The following AOAH variants were observed in gnomAD, a reference collection of about 807,000 sequenced individuals.
AOAH encodes acyloxyacyl hydrolase (neutrophil).
AOAH carries 64 observed loss-of-function variants against 92.2 expected under a neutral mutation model. The ratio of observed to expected loss-of-function variants is 0.69; its 90% CI spans 0.57 to 0.86. The LOEUF is 0.86. Among genes scored for constraint, AOAH ranks in the 40% least tolerant of loss-of-function variants. The probability of loss-of-function intolerance (pLI) is 0.00; values close to 1 mark genes in which losing one functional copy is unlikely to be tolerated. For missense variants in AOAH, 656 were observed against 694.6 expected, an observed-to-expected ratio of 0.94 and a Z score of 0.62; for synonymous variants, 263 against 254.5, an observed-to-expected ratio of 1.03 and a Z score of -0.32.
intron 20 of AOAH, among the ~76,000 whole-genome samples, chr7:36,515,505 A>T (rs1783592033): frequency 1.7e-4 from 1 of 5,998 alleles, no homozygotes; most frequent in Admixed American, 2.9e-3. Context: ...CATCACAAAC[A>T]CACCCCCAAA....
intron 3 of AOAH, among the ~76,000 whole-genome samples, chr7:36,664,692 T>G (rs1014607467): frequency 1.3e-5 from 2 of 152,142 alleles, no homozygotes; most frequent in Non-Finnish European, 2.9e-5. Flanking sequence ...TGAATCTACA[T>G]GTGTTAGGCT....
chr7:36,674,070 A>G (rs2116660595), intron 2 of AOAH, 61 bp from the exon 3 acceptor site: 1 of 904,532 alleles, frequency 1.1e-6, no homozygotes, highest in Non-Finnish European at 1.8e-6. Flanking sequence ...AACACACCTT[A>G]ATAATGATTA....
intron 12 of AOAH, among the ~76,000 whole-genome samples, chr7:36,593,688 C>T (rs1181336055): frequency 1.3e-5 from 2 of 152,156 alleles, no homozygotes; most frequent in Admixed American, 1.3e-4. Flanking sequence ...TGACATTCTC[C>T]CATCCAAGTA....
Position 36,610,159 on chromosome 7 carries a change from CA to C in AOAH, c.846+6220del, listed in dbSNP as rs71553082. Among the ~76,000 whole-genome samples, 279 of 49,258 alleles carry C rather than the reference CA, an allele frequency of 5.7e-3. 1 individual carries two copies. The highest frequency in any genetic ancestry group is 0.026 in the Middle Eastern group (1 of 38). The allele number at this position is 49,258 out of a possible 152,430, so 32.3% of individuals were successfully genotyped here. A position where few individuals can be genotyped will look rare whatever the true frequency, so the allele number is the denominator to read the frequency against. ...TTTTAAGGAGAATGCTCCATAATAG[CA>C]AAAAAAAAAAAAAAAAAAAAGAATC... On this transcript the variant is annotated intron_variant, in intron 11 of 20. Coordinates refer to ENST00000617537, the MANE Select transcript of AOAH (RefSeq NM_001637.4).
At chr7:36,618,186 A>G in intron 10 of AOAH, 111 bp downstream of exon 10, 1 of 872,904 alleles carries the variant, frequency 1.1e-6, no homozygotes, top group Non-Finnish European at 1.9e-6. Flanking sequence ...AGCATAGAGT[A>G]AATCCTAGCA....
chr7:36,678,629 T>C (rs531385731), intron 2 of AOAH, among the ~76,000 whole-genome samples: 19 of 140,186 alleles, frequency 1.4e-4, no homozygotes, highest in Non-Finnish European at 2.7e-4. Flanking sequence ...GAATTCTGTT[T>C]AGCTCAAGTC....
chr7:36,590,632 C>T (rs535655766), intron 12 of AOAH, among the ~76,000 whole-genome samples: 8 of 152,190 alleles, frequency 5.3e-5, no homozygotes, highest in Non-Finnish European at 1.2e-4. Context: ...GCACATTTTC[C>T]AAAGGACGCT....
At chr7:36,515,694 T>C (rs1388221085) in intron 20 of AOAH, among the ~76,000 whole-genome samples, 15 of 40,110 alleles carry the variant, frequency 3.7e-4, no homozygotes, top group East Asian at 3.4e-3. Flanking sequence ...CACACACACA[T>C]AATCACACAC....
chr7:36,578,515 C>A (rs1410384418), intron 12 of AOAH, among the ~76,000 whole-genome samples: 1 of 152,088 alleles, frequency 6.6e-6, no homozygotes, highest in African/African-American at 2.4e-5. Flanking sequence ...TAAATAGCAA[C>A]CCCACACCTC....
intron 11 of AOAH, among the ~76,000 whole-genome samples, chr7:36,595,797 G>C (rs1790064002): frequency 6.6e-6 from 1 of 152,204 alleles, no homozygotes; most frequent in Non-Finnish European, 1.5e-5. Context: ...TCCATGAGTG[G>C]CTGCAAGAAG....
At chr7:36,676,026 T>C (rs1413278807) in intron 2 of AOAH, among the ~76,000 whole-genome samples, 1 of 152,154 alleles carries the variant, frequency 6.6e-6, no homozygotes, top group African/African-American at 2.4e-5. Context: ...TATTTAGTGG[T>C]GAAAAATTAA....
At chr7:36,649,782 G>A (rs563386938) in intron 4 of AOAH, among the ~76,000 whole-genome samples, 152 of 152,276 alleles carry the variant, frequency 1.0e-3, no homozygotes, top group African/African-American at 3.0e-3. Flanking sequence ...GTTTGCCGCC[G>A]TGGCAGACCT....
chr7:36,512,957 C>T lies in AOAH; in HGVS notation c.*295G>A, dbSNP rs1407810560. The stretch of plus-strand genomic sequence containing the variant: ...TGGACTTAAGTGTTTTTAGAAACTC[C>T]TTTTAGAACAATTAGCTGTAAAGGG... On this transcript the variant is annotated 3_prime_UTR_variant, in exon 21 of 21. Coordinates refer to ENST00000617537, the MANE Select transcript of AOAH (RefSeq NM_001637.4). 7.8e-7 allele frequency: 1 copy of T among 1,274,460 alleles called. No homozygotes were observed. Among genetic ancestry groups the T allele is most frequent in the Non-Finnish European group, 1.1e-6 (1 of 935,602 alleles). 78.9% of individuals were successfully genotyped at this position (1,274,460 alleles called of 1,614,324 possible). A position where few individuals can be genotyped will look rare whatever the true frequency, so the allele number is the denominator to read the frequency against.
chr7:36,627,354 A>G (rs1002735577), intron 6 of AOAH, among the ~76,000 whole-genome samples: 3 of 151,772 alleles, frequency 2.0e-5, no homozygotes, highest in Admixed American at 6.6e-5. Context: ...CGTAGTGGGA[A>G]GGAAAAGCCA....
intron 4 of AOAH, among the ~76,000 whole-genome samples, chr7:36,658,451 C>T (rs1584049433): frequency 6.6e-6 from 1 of 152,122 alleles, no homozygotes; most frequent in Non-Finnish European, 1.5e-5. Context: ...TCAATATTAT[C>T]CTCTCATCCA....
chr7:36,517,977 A>G (rs1357708223), intron 20 of AOAH, among the ~76,000 whole-genome samples: 1 of 149,164 alleles, frequency 6.7e-6, no homozygotes, highest in Non-Finnish European at 1.5e-5. Context: ...ACACGCACAC[A>G]CACACACTGG....
At chr7:36,630,788 C>T (rs1562639557) in intron 6 of AOAH, among the ~76,000 whole-genome samples, 1 of 152,112 alleles carries the variant, frequency 6.6e-6, no homozygotes, top group Non-Finnish European at 1.5e-5. Context: ...AGCAGCATTG[C>T]AAAGAAGTCA....
At chr7:36,644,691 A>G (rs79861443) in intron 4 of AOAH, among the ~76,000 whole-genome samples, 18,094 of 152,212 alleles carry the variant, frequency 0.12, 1,334 homozygotes, top group Middle Eastern at 0.19. Context: ...GGAAAGAAAA[A>G]TAGTGCTTTT....
At chr7:36,710,677 C>T (rs1010681568) in intron 1 of AOAH, among the ~76,000 whole-genome samples, 1 of 152,200 alleles carries the variant, frequency 6.6e-6, no homozygotes, top group African/African-American at 2.4e-5. Context: ...ACTGTGCAAT[C>T]TTCCTTTATA....
Sources: gnomAD v4.1 joint callset for allele counts (sites outside exome capture counted in the v4.1 genomes callset) on GRCh38, gnomAD v4.1.1 for gene constraint, MANE v1.5 for transcripts, NCBI Gene and HGNC (gene_info 2026-07-23, HGNC 2026-07-21) for gene names.